CELF2: variants seen among roughly 807,000 people sequenced by gnomAD.
CELF2 encodes CUG triplet repeat RNA-binding protein 2.
In CELF2, 8 loss-of-function variants were observed where a neutral mutation model predicts 62.6. That is an observed-to-expected ratio of 0.13 (90% CI 0.07 to 0.23). CELF2 has a LOEUF of 0.23. Among genes scored for constraint, CELF2 ranks in the 10% least tolerant of loss-of-function variants. CELF2 has a pLI of 1.00. For synonymous variants in CELF2, 258 were observed against 250.0 expected (o/e 1.03, Z -0.30); for missense variants, 333 against 671.0 (o/e 0.50, Z 5.56).
rs372450100 is a variant in CELF2, at chr10:10,934,898, TAG to T, written c.89+14903_89+14904del. ...TAAATTAGACAAGATGCAAATTTGA[TAG>T]AGATTCCTTAAGAAAAAATAATGTT... On this transcript the variant is annotated intron_variant, in intron 2 of 13. Coordinates refer to the CELF2 transcript ENST00000636488. The surrounding 1 kb of genome is among the most constrained non-coding windows in gnomAD (Gnocchi z 4.4). 81 of 152,316 alleles carry T rather than the reference TAG, an allele frequency of 5.3e-4. No homozygotes were observed. The highest frequency in any genetic ancestry group is 1.9e-3 in the African/African-American group (78 of 41,568). The allele number at this position is 152,316 out of a possible 1,614,324, so 9.4% of individuals were successfully genotyped here.
At chr10:11,149,780 C>T (rs2062978205) in intron 1 of CELF2, among the ~76,000 whole-genome samples, 1 of 152,178 alleles carries the variant, frequency 6.6e-6, no homozygotes, top group Admixed American at 6.5e-5. Context: ...AAGCTGATCG[C>T]TAAGTGTGTG....
At chr10:11,245,678 A>G (rs1038179114) in intron 3 of CELF2, among the ~76,000 whole-genome samples, 1 of 152,214 alleles carries the variant, frequency 6.6e-6, no homozygotes, top group African/African-American at 2.4e-5. Context: ...AGCTGCACGA[A>G]TGCTAAGGGT....
At chr10:11,062,199 C>T (rs1482975375) in intron 1 of CELF2, among the ~76,000 whole-genome samples, 5 of 152,206 alleles carry the variant, frequency 3.3e-5, no homozygotes, top group African/African-American at 9.6e-5. Flanking sequence ...TGGCAATGTA[C>T]CTTGTCATCC....
chr10:11,138,390 A>C (rs1035857733), intron 1 of CELF2, among the ~76,000 whole-genome samples: 5 of 152,196 alleles, frequency 3.3e-5, no homozygotes, highest in African/African-American at 1.2e-4. Flanking sequence ...CAACTGTCCC[A>C]GCCTTCGGTT....
At chr10:11,312,643 A>T (rs1055896727) in intron 9 of CELF2, among the ~76,000 whole-genome samples, 1 of 152,248 alleles carries the variant, frequency 6.6e-6, no homozygotes, top group African/African-American at 2.4e-5. Context: ...AATGGAATTG[A>T]AAGACAAACC....
the CELF2 span, among the ~76,000 whole-genome samples, chr10:10,729,341 A>G: frequency 6.6e-6 from 1 of 152,206 alleles, no homozygotes; most frequent in Non-Finnish European, 1.5e-5. Context: ...TCAAATATCA[A>G]TTCATTTCTT....
chr10:11,319,901 T>C lies in CELF2; in HGVS notation c.1097-1288T>C, dbSNP rs1297928202. ...TAGGGCAGTAGCGTTGCTGGGCGTG[T>C]GGAGGTCACTCTGCTGCCGGATTCT... On this transcript the variant is annotated intron_variant, in intron 10 of 12. Coordinates refer to ENST00000633077, the MANE Select transcript of CELF2 (RefSeq NM_001326342.2). This position sits in a 1 kb window ranked among gnomAD's most constrained non-coding sequence, Gnocchi z 4.4. 2.1e-6 allele frequency: 1 copy of C among 470,596 alleles called. No individual in the cohort carries two copies. Among genetic ancestry groups the C allele is most frequent in the East Asian group, 6.9e-5 (1 of 14,406 alleles). The allele number at this position is 470,596 out of a possible 1,614,324, so 29.2% of individuals were successfully genotyped here. A position where few individuals can be genotyped will look rare whatever the true frequency, so the allele number is the denominator to read the frequency against.
intron 1 of CELF2, among the ~76,000 whole-genome samples, chr10:10,904,653 G>A (rs927847866): frequency 6.6e-6 from 1 of 152,170 alleles, no homozygotes; most frequent in African/African-American, 2.4e-5. Context: ...GGTTGTTTCT[G>A]TTGCAGACGT....
the CELF2 span, among the ~76,000 whole-genome samples, chr10:10,655,586 A>G: frequency 8.7e-6 from 1 of 114,556 alleles, no homozygotes; most frequent in African/African-American, 3.1e-5. Context: ...CAACTAATTG[A>G]TCTTTGACAA....
In CELF2 at chr10:11,219,365, G is replaced by A. The variant is rs567904842; in HGVS notation, c.354+1858G>A. 1.1e-4 allele frequency among the ~76,000 whole-genome samples: 16 copies of A among 152,268 alleles called. 1 individual carries two copies. Among genetic ancestry groups the A allele is most frequent in the Admixed American group, 4.6e-4 (7 of 15,288 alleles). On this transcript the variant is annotated intron_variant, in intron 3 of 12. Coordinates refer to ENST00000633077, the MANE Select transcript of CELF2 (RefSeq NM_001326342.2). ...GTTTTATATTTTTTAAATATTGTAC[G>A]TGTGTTACTTCTTTTCTTCCTAAAA...
At chr10:10,805,629 T>C (rs2131601027) in intron 1 of CELF2, among the ~76,000 whole-genome samples, 1 of 152,254 alleles carries the variant, frequency 6.6e-6, no homozygotes, top group Admixed American at 6.5e-5. Flanking sequence ...TCAAGTCTTT[T>C]AATGAGGGGG....
intron 1 of CELF2, among the ~76,000 whole-genome samples, chr10:11,057,074 G>T (rs997303739): frequency 2.0e-5 from 3 of 152,196 alleles, no homozygotes; most frequent in Non-Finnish European, 2.9e-5. Context: ...GTGAGCAGCC[G>T]TGCCTGGAGG....
chr10:11,184,318 AAGTC>A (rs2074269709), intron 2 of CELF2, among the ~76,000 whole-genome samples: 1 of 152,224 alleles, frequency 6.6e-6, no homozygotes, highest in Admixed American at 6.5e-5. Context: ...ACGAGTCTTG[AAGTC>A]AGATACTGTT....
the CELF2 span, among the ~76,000 whole-genome samples, chr10:10,745,894 G>A: frequency 6.6e-6 from 1 of 152,194 alleles, no homozygotes; most frequent in Non-Finnish European, 1.5e-5. Context: ...GGCAAAACAC[G>A]TTTGATGCTA....
intron 7 of CELF2, among the ~76,000 whole-genome samples, chr10:11,273,725 T>G (rs979933717): frequency 6.9e-6 from 1 of 144,434 alleles, no homozygotes; most frequent in Admixed American, 6.8e-5. Flanking sequence ...GTTTTTTTGT[T>G]TTTTTGTTTT....
intron 2 of CELF2, among the ~76,000 whole-genome samples, chr10:11,206,872 CT>C (rs1400056121): frequency 6.6e-6 from 1 of 152,236 alleles, no homozygotes; most frequent in Non-Finnish European, 1.5e-5. Flanking sequence ...ACGTCACCCC[CT>C]GGGGGCCTGG....
chr10:10,788,089 T>C, the CELF2 span, among the ~76,000 whole-genome samples: 2 of 152,280 alleles, frequency 1.3e-5, no homozygotes, highest in East Asian at 1.9e-4. Flanking sequence ...CAAAAATGAT[T>C]AGTGCAAGCC....
intron 1 of CELF2, among the ~76,000 whole-genome samples, chr10:10,859,664 C>T (rs1227943588): frequency 6.6e-6 from 1 of 152,026 alleles, no homozygotes; most frequent in Non-Finnish European, 1.5e-5. Flanking sequence ...CAAAGAGTTT[C>T]GAATAAGTGG....
chr10:11,096,843 G>A (rs994624297), intron 1 of CELF2, among the ~76,000 whole-genome samples: 20 of 152,086 alleles, frequency 1.3e-4, no homozygotes, highest in Admixed American at 1.1e-3. Context: ...ACTGTAGCCC[G>A]AATTTAAATG....
Sources: gnomAD v4.1 joint callset for allele counts (sites outside exome capture counted in the v4.1 genomes callset) on GRCh38, gnomAD v4.1.1 for gene constraint, Gnocchi (gnomAD v3.1) non-coding constraint, MANE v1.5 for transcripts, NCBI Gene and HGNC (gene_info 2026-07-23, HGNC 2026-07-21) for gene names.